LRRFIP2: variants seen among roughly 807,000 people sequenced by gnomAD.
LRRFIP2 encodes leucine-rich repeat flightless-interacting protein 2.
LRRFIP2 carries 109 observed loss-of-function variants against 125.9 expected under a neutral mutation model. The observed-to-expected ratio is 0.87, with a 90% confidence interval of 0.74 to 1.01. LRRFIP2 has a LOEUF of 1.01. Among genes scored for constraint, LRRFIP2 ranks in the 50% least tolerant of loss-of-function variants. The pLI is 0.00. For missense variants in LRRFIP2, 850 were observed against 862.3 expected (o/e 0.99, Z 0.18); for synonymous variants, 291 against 293.1 (o/e 0.99, Z 0.07).
rs1346889866 is a variant in LRRFIP2, at chr3:37,052,996, G to T, written c.*855C>A. 1 of 152,540 alleles carries T rather than the reference G, an allele frequency of 6.6e-6. No individual in the cohort carries two copies. Among genetic ancestry groups the T allele is most frequent in the Non-Finnish European group, 1.5e-5 (1 of 68,034 alleles). The allele number at this position is 152,540 out of a possible 1,614,324, so 9.4% of individuals were successfully genotyped here. On this transcript the variant is annotated 3_prime_UTR_variant, in exon 28 of 28. Coordinates refer to ENST00000336686, the MANE Select transcript of LRRFIP2 (RefSeq NM_006309.4). ...CTCCTATAACAAAATGAACATGTCA[G>T]TAGCCAATTGTGGTTGGCAAAAGGG...
chr3:37,058,927 G>A lies in LRRFIP2; in HGVS notation c.1750-17C>T, dbSNP rs753942196. On this transcript the variant is annotated splice_polypyrimidine_tract_variant and intron_variant, in intron 24 of 27. Transcript: ENST00000336686. ...TTTTCTAATCTGAAATGAAAATAAA[G>A]GTTCATCAGCAAGATCCAATCTCTC... 6.2e-7 allele frequency: 1 copy of A among 1,612,958 alleles called. No homozygotes were observed. Among genetic ancestry groups the A allele is most frequent in the Admixed American group, 1.7e-5 (1 of 60,004 alleles).
intron 2 of LRRFIP2, among the ~76,000 whole-genome samples, chr3:37,148,327 G>C (rs1048260829): frequency 6.6e-6 from 1 of 152,134 alleles, no homozygotes; most frequent in African/African-American, 2.4e-5. Flanking sequence ...CATGAGATGA[G>C]GGAGGAAGAA....
intron 1 of LRRFIP2, among the ~76,000 whole-genome samples, chr3:37,160,814 A>G (rs1360652100): frequency 1.3e-5 from 2 of 152,040 alleles, no homozygotes; most frequent in Non-Finnish European, 2.9e-5. Context: ...AGAGAATACA[A>G]GATCTTGGAA....
At chr3:37,092,423 A>G (rs1054330749) in intron 17 of LRRFIP2, among the ~76,000 whole-genome samples, 6 of 152,206 alleles carry the variant, frequency 3.9e-5, no homozygotes. Flanking sequence ...TCTTTTACTT[A>G]TCGATTCATT....
intron 24 of LRRFIP2, among the ~76,000 whole-genome samples, chr3:37,059,613 C>T (rs547918853): frequency 2.0e-5 from 3 of 151,930 alleles, no homozygotes; most frequent in Non-Finnish European, 2.9e-5. Context: ...ATGGTGAAAC[C>T]CCATCTCTAC....
At chr3:37,165,079 C>A (rs2096444260) in intron 1 of LRRFIP2, among the ~76,000 whole-genome samples, 1 of 151,634 alleles carries the variant, frequency 6.6e-6, no homozygotes, top group East Asian at 2.0e-4. Context: ...ACTAAAAATA[C>A]AAAAAATTAG....
At chr3:37,094,370 T>C (rs1443080956) in intron 17 of LRRFIP2, among the ~76,000 whole-genome samples, 2 of 152,194 alleles carry the variant, frequency 1.3e-5, no homozygotes, top group Non-Finnish European at 2.9e-5. Flanking sequence ...ACACTTCTAT[T>C]ACTATGAAAA....
chr3:37,111,084 A>T lies in LRRFIP2; in HGVS notation c.439-19T>A. The T allele has an allele frequency of 1.2e-6, 2 of 1,606,692 alleles. No homozygotes were observed. The highest frequency in any genetic ancestry group is 1.7e-6 in the Non-Finnish European group (2 of 1,174,012). On this transcript the variant is annotated intron_variant, in intron 8 of 27. Transcript: ENST00000336686. Reference sequence around the variant, plus strand: ...GGCCACTCTGCAAAAAGCAAAATTAAACACATTTTTCTTAGGCTAAATGTT... The same window carrying T: ...GGCCACTCTGCAAAAAGCAAAATTATACACATTTTTCTTAGGCTAAATGTT...
At chr3:37,148,639 T>C (rs923249668) in intron 2 of LRRFIP2, among the ~76,000 whole-genome samples, 1 of 152,268 alleles carries the variant, frequency 6.6e-6, no homozygotes, top group African/African-American at 2.4e-5. Flanking sequence ...GCAGTCTGTG[T>C]GTATGCCCAA....
intron 18 of LRRFIP2, among the ~76,000 whole-genome samples, chr3:37,090,245 T>TG (rs1351655039): frequency 1.1e-4 from 16 of 152,088 alleles, no homozygotes; most frequent in Non-Finnish European, 2.9e-5. Flanking sequence ...TTTGTTTGTT[T>TG]TGAGACAGAG....
intron 6 of LRRFIP2, among the ~76,000 whole-genome samples, chr3:37,118,352 C>T (rs994807324): frequency 6.6e-6 from 1 of 152,138 alleles, no homozygotes; most frequent in South Asian, 2.1e-4. Flanking sequence ...CGTGAGCCAC[C>T]GTGCCTGGCC....
At chr3:37,075,671 A>T (rs2091915926) in intron 19 of LRRFIP2, among the ~76,000 whole-genome samples, 1 of 152,124 alleles carries the variant, frequency 6.6e-6, no homozygotes, top group Admixed American at 6.5e-5. Context: ...TACAAATAAA[A>T]ATACCATCAG....
At chr3:37,105,356 T>C in intron 14 of LRRFIP2, 99 bp downstream of exon 14, 1 of 999,192 alleles carries the variant, frequency 1.0e-6, no homozygotes, top group Admixed American at 1.9e-5. Context: ...AATGCTCTTT[T>C]TGTCAAATGC....
In LRRFIP2 at chr3:37,053,935, C is replaced by T. The variant is rs765245323; in HGVS notation, c.2082G>A (p.Glu694=). 22 of 1,613,654 alleles carry T rather than the reference C, an allele frequency of 1.4e-5. No homozygotes were observed. Among genetic ancestry groups the T allele is most frequent in the East Asian group, 2.2e-5 (1 of 44,888 alleles). ...GGTGGCTGTTGGTCATCTCCATCTCCTCAATCTTGTCCAGTGCTGTTCGTA... is the reference window on the plus strand; with the variant it reads ...GGTGGCTGTTGGTCATCTCCATCTCTTCAATCTTGTCCAGTGCTGTTCGTA... ...RELRTALDKI[E]EMEMTNSHLA... is the part of the protein sequence containing the mutation. Residue 694 remains glutamate, a synonymous_variant, in exon 28 of 28, where the codon GAG becomes GAA. Coordinates refer to ENST00000336686, the MANE Select transcript of LRRFIP2 (RefSeq NM_006309.4).
In LRRFIP2 at chr3:37,060,908, T is replaced by C. The variant is rs1030528804; in HGVS notation, c.1750-1998A>G. 6.6e-5 allele frequency among the ~76,000 whole-genome samples: 10 copies of C among 152,138 alleles called. No individual in the cohort carries two copies. The highest frequency in any genetic ancestry group is 2.4e-4 in the African/African-American group (10 of 41,428). Reference sequence around the variant, plus strand: ...AAATGATCTCTCAATTTCTGGTATATCTCCTCTTACGGTTTGGATGTCTGT... The same window carrying C: ...AAATGATCTCTCAATTTCTGGTATACCTCCTCTTACGGTTTGGATGTCTGT... On this transcript the variant is annotated intron_variant, in intron 24 of 27. Transcript: ENST00000336686. This position sits in a 1 kb window ranked among gnomAD's most constrained non-coding sequence, Gnocchi z 4.1.
chr3:37,140,730 C>T (rs1216874626), intron 2 of LRRFIP2, among the ~76,000 whole-genome samples: 1 of 151,934 alleles, frequency 6.6e-6, no homozygotes, highest in Admixed American at 6.6e-5. Flanking sequence ...TAATCATTCC[C>T]TTAATCTTCC....
chr3:37,100,130 T>G (rs1400400462), intron 15 of LRRFIP2, among the ~76,000 whole-genome samples: 1 of 152,004 alleles, frequency 6.6e-6, no homozygotes, highest in African/African-American at 2.4e-5. Context: ...GAAAATACTG[T>G]AGGCTTTTCC....
Position 37,107,877 on chromosome 3 carries a change from T to G in LRRFIP2, c.714+196A>C, listed in dbSNP as rs115281364. ...CTGGTTAGAGACTCATTTAAGAAAT[T>G]ACATGCTAAGTCACATTTATAGAGA... On this transcript the variant is annotated intron_variant, in intron 13 of 27. Transcript: ENST00000336686. 1.1e-3 allele frequency among the ~76,000 whole-genome samples: 174 copies of G among 152,308 alleles called. No individual in the cohort carries two copies. In the Middle Eastern group the frequency reaches 0.014, roughly 12 times the overall value.
At chr3:37,136,780 A>C (rs1195153535) in intron 2 of LRRFIP2, among the ~76,000 whole-genome samples, 3 of 152,174 alleles carry the variant, frequency 2.0e-5, no homozygotes, top group East Asian at 1.9e-4. Context: ...TAAGTAATAT[A>C]TCAGGATCCA....
Sources: gnomAD v4.1 joint callset for allele counts (sites outside exome capture counted in the v4.1 genomes callset) on GRCh38, gnomAD v4.1.1 for gene constraint, Gnocchi (gnomAD v3.1) non-coding constraint, MANE v1.5 for transcripts, NCBI Gene and HGNC (gene_info 2026-07-23, HGNC 2026-07-21) for gene names.